IQANK1: variants seen among roughly 807,000 people sequenced by gnomAD.
IQANK1 encodes IQ motif and ankyrin repeat containing 1.
IQANK1 carries 30 observed loss-of-function variants against 22.6 expected under a neutral mutation model. That is an observed-to-expected ratio of 1.33 (90% CI 0.99 to 1.80). The LOEUF (loss-of-function observed/expected upper bound fraction) is 1.80, where lower values mean the gene tolerates loss of function less well. Among genes scored for constraint, IQANK1 ranks in the 40% most tolerant of loss-of-function variants. The probability of loss-of-function intolerance (pLI) is 0.00; values close to 1 mark genes in which losing one functional copy is unlikely to be tolerated. For missense variants in IQANK1, 275 were observed against 235.2 expected (o/e 1.17, Z -1.11); for synonymous variants, 122 against 99.6 (o/e 1.23, Z -1.34).
chr8:143,756,426 GGAGGTGAT>G (rs1819294065), intron 3 of IQANK1, among the ~76,000 whole-genome samples: 2 of 152,018 alleles, frequency 1.3e-5, no homozygotes, highest in African/African-American at 4.8e-5. Flanking sequence ...TCAATAGGGA[GGAGGTGAT>G]GGAGGAGCAC....
chr8:143,740,377 G>C (rs1462989036), intron 3 of IQANK1, among the ~76,000 whole-genome samples: 1 of 152,214 alleles, frequency 6.6e-6, no homozygotes, highest in African/African-American at 2.4e-5. Context: ...AGGCTCTGCA[G>C]CTCCGACCCT....
At chr8:143,786,017 G>A (rs1186730026) in intron 7 of IQANK1, among the ~76,000 whole-genome samples, 1 of 152,086 alleles carries the variant, frequency 6.6e-6, no homozygotes, top group East Asian at 1.9e-4. Flanking sequence ...CAGCCACCGT[G>A]CCTGGCCTAA....
At chr8:143,750,506 T>C (rs1210108269) in intron 3 of IQANK1, among the ~76,000 whole-genome samples, 2 of 152,188 alleles carry the variant, frequency 1.3e-5, no homozygotes, top group Non-Finnish European at 2.9e-5. Flanking sequence ...TGTCTTTTGA[T>C]TGGAGAGTTT....
chr8:143,751,116 A>G (rs556140827), intron 3 of IQANK1, among the ~76,000 whole-genome samples: 8 of 152,168 alleles, frequency 5.3e-5, no homozygotes, highest in Non-Finnish European at 1.0e-4. Context: ...CTTCAACGAC[A>G]TAAAAAACTC....
chr8:143,763,177 G>A (rs1428486835), intron 3 of IQANK1, among the ~76,000 whole-genome samples: 1 of 151,964 alleles, frequency 6.6e-6, no homozygotes, highest in Non-Finnish European at 1.5e-5. Context: ...CACCACGCCT[G>A]GCTAATTTTT....
chr8:143,756,213 G>A (rs1360422786), intron 3 of IQANK1, among the ~76,000 whole-genome samples: 9 of 152,172 alleles, frequency 5.9e-5, no homozygotes, highest in South Asian at 4.1e-4. Context: ...CAGGAACTAA[G>A]TCAATATTTT....
At chr8:143,739,742 G>C (rs900823866) in intron 2 of IQANK1, 117 bp from the exon 3 acceptor site, 3 of 578,146 alleles carry the variant, frequency 5.2e-6, no homozygotes, top group African/African-American at 1.9e-5. Context: ...AGGCCCGGGT[G>C]GGGGGCTCCC....
chr8:143,774,347 A>G lies in IQANK1; in HGVS notation c.789+1865A>G, dbSNP rs1357307382. Among the ~76,000 whole-genome samples the G allele has an allele frequency of 2.0e-5, 3 of 152,212 alleles. No individual in the cohort carries two copies. The highest frequency in any genetic ancestry group is 7.2e-5 in the African/African-American group (3 of 41,460). ...AGAACATAGAAAAAACTCACATCGC[A>G]AACAACAATGAAACATACAATCTAG... On this transcript the variant is annotated intron_variant, in intron 7 of 13. Coordinates refer to ENST00000527139, the MANE Select transcript of IQANK1 (RefSeq NM_001381874.1). This position sits in a 1 kb window ranked among gnomAD's most constrained non-coding sequence, Gnocchi z 4.2.
rs557328505 is a variant in IQANK1, at chr8:143,754,358, G to C, written c.175+14410G>C. Among the ~76,000 whole-genome samples the C allele has an allele frequency of 7.9e-4, 121 of 152,316 alleles. 1 individual carries two copies. The highest frequency in any genetic ancestry group is 2.8e-3 in the African/African-American group (117 of 41,570). On this transcript the variant is annotated intron_variant, in intron 3 of 13. Coordinates refer to ENST00000527139, the MANE Select transcript of IQANK1 (RefSeq NM_001381874.1). ...CACAGGCTAAATGGGTCCTCTGGCT[G>C]AGCACCTCTCCCAGGGCTAACGCCA... is the stretch of plus-strand genomic sequence containing the variant.
intron 3 of IQANK1, among the ~76,000 whole-genome samples, chr8:143,767,156 C>T (rs767340963): frequency 1.2e-4 from 18 of 152,232 alleles, no homozygotes; most frequent in African/African-American, 2.2e-4. Context: ...TCCAGAATCA[C>T]GTGGTCAATT....
intron 3 of IQANK1, among the ~76,000 whole-genome samples, chr8:143,749,361 AT>A (rs1413233579): frequency 2.3e-5 from 3 of 130,624 alleles, no homozygotes; most frequent in Admixed American, 1.6e-4. Context: ...ATATATAAAA[AT>A]ATATAAATAT....
At chr8:143,762,339 AGG>A (rs1554628933) in intron 3 of IQANK1, among the ~76,000 whole-genome samples, 4 of 143,122 alleles carry the variant, frequency 2.8e-5, no homozygotes, top group African/African-American at 1.0e-4. Context: ...GGAGGGAGGG[AGG>A]GAAAAGAAAA....
At chr8:143,761,173 G>A (rs774511707) in intron 3 of IQANK1, among the ~76,000 whole-genome samples, 34 of 152,210 alleles carry the variant, frequency 2.2e-4, no homozygotes, top group Non-Finnish European at 4.4e-4. Context: ...GCGCGCCCGA[G>A]AAGGGACCCG....
intron 3 of IQANK1, among the ~76,000 whole-genome samples, chr8:143,763,407 T>G (rs371077292): frequency 6.6e-6 from 1 of 152,240 alleles, no homozygotes; most frequent in South Asian, 2.1e-4. Context: ...AAGTATTTTA[T>G]ATTTATTAGC....
intron 7 of IQANK1, among the ~76,000 whole-genome samples, chr8:143,778,622 A>G (rs1340920193): frequency 1.3e-5 from 2 of 152,236 alleles, no homozygotes; most frequent in Non-Finnish European, 2.9e-5. Context: ...ATCAGCGATG[A>G]TACCGAAGAG....
chr8:143,774,989 C>T lies in IQANK1; in HGVS notation c.789+2507C>T, dbSNP rs59394635. 0.039 allele frequency among the ~76,000 whole-genome samples: 5,942 copies of T among 152,050 alleles called. 414 individuals are homozygous for T. Among genetic ancestry groups the T allele is most frequent in the African/African-American group, 0.14 (5,599 of 41,464 alleles). On this transcript the variant is annotated intron_variant, in intron 7 of 13. Coordinates refer to ENST00000527139, the MANE Select transcript of IQANK1 (RefSeq NM_001381874.1). The surrounding 1 kb of genome is among the most constrained non-coding windows in gnomAD (Gnocchi z 4.2). The stretch of plus-strand genomic sequence containing the variant: ...CGGATGGGAGTGGGGGCAGGAAAAG[C>T]GGGGAGAGATGGGGCCGACTGGGCA...
chr8:143,746,081 C>T (rs1554627185), intron 3 of IQANK1: 2 of 152,324 alleles, frequency 1.3e-5, no homozygotes, highest in East Asian at 1.9e-4. Flanking sequence ...TCTATTCATA[C>T]ATATAAAATC....
At chr8:143,786,836 C>T (rs1224669070) in intron 7 of IQANK1, among the ~76,000 whole-genome samples, 2 of 152,134 alleles carry the variant, frequency 1.3e-5, no homozygotes, top group Non-Finnish European at 2.9e-5. Flanking sequence ...GCCTGAGGAG[C>T]TTCCAGACAG....
At chr8:143,763,078 G>A (rs1055275495) in intron 3 of IQANK1, among the ~76,000 whole-genome samples, 13 of 151,372 alleles carry the variant, frequency 8.6e-5, no homozygotes, top group Admixed American at 2.6e-4. Flanking sequence ...GTGCAGTGGT[G>A]CGATCTCAGC....
Sources: allele counts gnomAD v4.1 joint callset (sites outside exome capture counted in the v4.1 genomes callset), GRCh38; gene constraint gnomAD v4.1.1; non-coding constraint Gnocchi (gnomAD v3.1); transcripts MANE v1.5; gene names NCBI Gene and HGNC (gene_info 2026-07-23, HGNC 2026-07-21).